Variants in SLC37A3 observed in about 807,000 individuals in gnomAD.
The protein encoded by SLC37A3 is solute carrier family 37 member 3.
In SLC37A3, 51 loss-of-function variants were observed where a neutral mutation model predicts 67.1. That is an observed-to-expected ratio of 0.76 (90% CI 0.61 to 0.96). SLC37A3 has a LOEUF of 0.96. Ranked by LOEUF, SLC37A3 falls within the 40% of genes least tolerant of loss-of-function variation. SLC37A3 has a pLI of 0.00. For missense variants in SLC37A3, 508 were observed against 603.0 expected, an observed-to-expected ratio of 0.84 and a Z score of 1.65; for synonymous variants, 214 against 231.4, an observed-to-expected ratio of 0.92 and a Z score of 0.68.
At chr7:140,338,632 C>T (rs962965280) in intron 13 of SLC37A3, among the ~76,000 whole-genome samples, 2 of 152,006 alleles carry the variant, frequency 1.3e-5, no homozygotes, top group Non-Finnish European at 2.9e-5. Flanking sequence ...CCACCATGCT[C>T]GGCTAATTTT....
intron 6 of SLC37A3, among the ~76,000 whole-genome samples, chr7:140,358,058 G>C (rs13233309): frequency 6.6e-6 from 1 of 151,826 alleles, no homozygotes; most frequent in African/African-American, 2.4e-5. Flanking sequence ...CCTGGTGACA[G>C]AGCAAGACTC....
At chr7:140,371,089 AC>A in intron 3 of SLC37A3, among the ~76,000 whole-genome samples, 1 of 152,290 alleles carries the variant, frequency 6.6e-6, no homozygotes, top group Admixed American at 6.5e-5. Flanking sequence ...CCCAACTACA[AC>A]CCATTCACGA....
rs1457864103 is a variant in SLC37A3, at chr7:140,344,554, G to A, written c.1174+662C>T. Among the ~76,000 whole-genome samples the A allele has an allele frequency of 2.6e-5, 4 of 152,148 alleles. No individual in the cohort carries two copies. In the East Asian group the frequency reaches 7.7e-4, roughly 29 times the overall value. On this transcript the variant is annotated intron_variant, in intron 12 of 14. Transcript: ENST00000326232. The stretch of plus-strand genomic sequence containing the variant: ...GTGGATCACCTGAGGTCAGGAGTTT[G>A]AGACCAGCCTGGGCAACATGGTGAA...
At chr7:140,390,608 C>G (rs908212424) in intron 1 of SLC37A3, among the ~76,000 whole-genome samples, 1 of 152,108 alleles carries the variant, frequency 6.6e-6, no homozygotes, top group Non-Finnish European at 1.5e-5. Flanking sequence ...TGATCTCCCT[C>G]GCACTCCCGT....
chr7:140,361,187 A>C (rs1797254531), intron 5 of SLC37A3, among the ~76,000 whole-genome samples: 1 of 151,724 alleles, frequency 6.6e-6, no homozygotes, highest in Non-Finnish European at 1.5e-5. Context: ...CCGAGATAGA[A>C]AGGAGCAGGA....
intron 1 of SLC37A3, among the ~76,000 whole-genome samples, chr7:140,387,665 A>T (rs185094061): frequency 2.8e-3 from 325 of 115,270 alleles, no homozygotes; most frequent in African/African-American, 0.01. Context: ...TATAAATATA[A>T]ATATATTATA....
chr7:140,355,472 C>T (rs1019804958), intron 7 of SLC37A3, among the ~76,000 whole-genome samples, 196 bp downstream of exon 7: 2 of 152,160 alleles, frequency 1.3e-5, no homozygotes, highest in Admixed American at 6.5e-5. Context: ...CCTTGGCCTC[C>T]CAAAGTGCTG....
intron 3 of SLC37A3, among the ~76,000 whole-genome samples, chr7:140,376,702 C>CT: frequency 6.6e-6 from 1 of 152,170 alleles, no homozygotes; most frequent in Non-Finnish European, 1.5e-5. Flanking sequence ...GCATGAAGTT[C>CT]TTTGCATAAG....
chr7:140,362,349 T>C (rs1273660271), intron 5 of SLC37A3, among the ~76,000 whole-genome samples: 1 of 130,302 alleles, frequency 7.7e-6, no homozygotes, highest in Non-Finnish European at 1.7e-5. Flanking sequence ...AGCCCCTCCG[T>C]CCGGCAGCCA....
intron 4 of SLC37A3, among the ~76,000 whole-genome samples, chr7:140,367,512 A>T (rs1797650024): frequency 6.6e-6 from 1 of 152,206 alleles, no homozygotes; most frequent in African/African-American, 2.4e-5. Flanking sequence ...ACTACTTCAG[A>T]ACTTTTACCC....
Position 140,364,489 on chromosome 7 carries a change from G to A in SLC37A3, c.294C>T (p.Gly98=). 6.2e-7 allele frequency: 1 copy of A among 1,613,424 alleles called. No individual in the cohort carries two copies. Among genetic ancestry groups the A allele is most frequent in the African/African-American group, 1.3e-5 (1 of 74,938 alleles). The stretch of plus-strand genomic sequence containing the variant: ...CCCCAACGATGCCACTGATGAATAG[G>A]CCCTAAAAATAAAGCATTTTCTTTT... The part of the protein sequence containing the change: ...DTIFLFSYAV[G]LFISGIVGDR... The change falls in exon 5 of 15, where the codon GGC becomes GGT. Residue 98 remains glycine, a splice_region_variant and synonymous_variant. Coordinates refer to ENST00000326232, the MANE Select transcript of SLC37A3 (RefSeq NM_207113.3).
At chr7:140,348,475 T>C (rs1187339516) in intron 10 of SLC37A3, 151 bp downstream of exon 10, 1 of 726,568 alleles carries the variant, frequency 1.4e-6, no homozygotes, top group Non-Finnish European at 2.0e-6. Flanking sequence ...TTTTTTTTTT[T>C]TTTGAGTTTG....
At chr7:140,398,035 G>GA (rs1472967325) in intron 1 of SLC37A3, among the ~76,000 whole-genome samples, 1 of 152,144 alleles carries the variant, frequency 6.6e-6, no homozygotes, top group Non-Finnish European at 1.5e-5. Flanking sequence ...CCACCTACCT[G>GA]AAAAGCATCC....
chr7:140,355,203 CTT>C lies in SLC37A3; in HGVS notation c.618+463_618+464del, dbSNP rs36028664. Among the ~76,000 whole-genome samples the C allele has an allele frequency of 1.3e-4, 20 of 148,686 alleles. No individual in the cohort carries two copies. The East Asian group carries it at 1.8e-3, about 13-fold the overall frequency. On this transcript the variant is annotated intron_variant, in intron 7 of 14. Coordinates refer to ENST00000326232, the MANE Select transcript of SLC37A3 (RefSeq NM_207113.3). ...AATGAATATATCAGAAGTTTGTCTA[CTT>C]TTTTTTTTTTAATTAATTTATTTCT...
chr7:140,348,381 A>G (rs1025985186), intron 10 of SLC37A3: 1 of 348,338 alleles, frequency 2.9e-6, no homozygotes, highest in Non-Finnish European at 5.1e-6. Context: ...ACTAAGAAAA[A>G]AGAGTCCAAT....
chr7:140,349,151 G>A (rs192716049), intron 9 of SLC37A3, among the ~76,000 whole-genome samples: 71 of 152,290 alleles, frequency 4.7e-4, no homozygotes, highest in South Asian at 2.1e-4. Flanking sequence ...ACTAACCAGC[G>A]TTAACCATAG....
At chr7:140,384,537 C>A (rs1171527915) in intron 1 of SLC37A3, among the ~76,000 whole-genome samples, 1 of 151,130 alleles carries the variant, frequency 6.6e-6, no homozygotes, top group Non-Finnish European at 1.5e-5. Flanking sequence ...CATAGTGAGA[C>A]CCCATCTCTA....
intron 3 of SLC37A3, among the ~76,000 whole-genome samples, chr7:140,375,923 C>G (rs895681005): frequency 1.6e-4 from 24 of 152,208 alleles, no homozygotes; most frequent in African/African-American, 5.5e-4. Flanking sequence ...GAGTGACATT[C>G]CCACATTTTC....
intron 5 of SLC37A3, among the ~76,000 whole-genome samples, chr7:140,359,203 C>T (rs780421542): frequency 2.0e-5 from 3 of 151,944 alleles, no homozygotes; most frequent in Admixed American, 1.3e-4. Context: ...ATTAGCTAGG[C>T]GTGGTGGCAG....
Sources: allele counts gnomAD v4.1 joint callset (sites outside exome capture counted in the v4.1 genomes callset), GRCh38; gene constraint gnomAD v4.1.1; transcripts MANE v1.5; gene names NCBI Gene and HGNC (gene_info 2026-07-23, HGNC 2026-07-21).